MYO3B: variants seen among roughly 807,000 people sequenced by gnomAD.
MYO3B encodes myosin-IIIb.
Under a neutral mutation model 174.6 loss-of-function variants are expected in MYO3B, and 156 were observed. The ratio of observed to expected loss-of-function variants is 0.89; its 90% confidence interval spans 0.78 to 1.02. MYO3B has a LOEUF of 1.02. Ranked by LOEUF, MYO3B falls within the 50% of genes least tolerant of loss-of-function variation. The pLI, the probability that MYO3B is intolerant of heterozygous loss-of-function variation, is 0.00. For missense variants in MYO3B, 1,632 were observed against 1,639.4 expected (o/e 1.00, Z 0.08); for synonymous variants, 563 against 569.1 (o/e 0.99, Z 0.15).
At chr2:170,613,282 C>T (rs547278817) in intron 32 of MYO3B, among the ~76,000 whole-genome samples, 1 of 152,280 alleles carries the variant, frequency 6.6e-6, no homozygotes, top group Admixed American at 6.5e-5. Context: ...AGTTCCCACC[C>T]CTACCTGCAA....
At chr2:170,610,835 A>T (rs560272506) in intron 32 of MYO3B, among the ~76,000 whole-genome samples, 1 of 152,306 alleles carries the variant, frequency 6.6e-6, no homozygotes, top group African/African-American at 2.4e-5. Flanking sequence ...GTTTATTTTG[A>T]TGTGAGATGC....
At chr2:170,237,573 A>C (rs2093085487) in intron 7 of MYO3B, among the ~76,000 whole-genome samples, 1 of 151,510 alleles carries the variant, frequency 6.6e-6, no homozygotes, top group African/African-American at 2.4e-5. Flanking sequence ...AGACCCTTCC[A>C]CTCTATTGAC....
chr2:170,227,494 AGGCTGGTCTTGAACTCCTG>A (rs2092964859), intron 6 of MYO3B, among the ~76,000 whole-genome samples: 1 of 152,132 alleles, frequency 6.6e-6, no homozygotes, highest in Admixed American at 6.5e-5. Flanking sequence ...CATGTTGCCC[AGGCTGGTCTTGAACTCCTG>A]GGCTCAAGTG....
intron 7 of MYO3B, among the ~76,000 whole-genome samples, chr2:170,324,663 A>G (rs1006978438): frequency 6.6e-6 from 1 of 152,192 alleles, no homozygotes; most frequent in Non-Finnish European, 1.5e-5. Flanking sequence ...TCAGCGCTGA[A>G]TCTACCCTTT....
intron 25 of MYO3B, among the ~76,000 whole-genome samples, chr2:170,488,562 T>C (rs1386275786): frequency 6.6e-6 from 1 of 152,190 alleles, no homozygotes; most frequent in Non-Finnish European, 1.5e-5. Flanking sequence ...ATTCATACGT[T>C]ATGAGGGAAC....
chr2:170,220,272 A>T (rs2105378592), intron 6 of MYO3B, among the ~76,000 whole-genome samples: 1 of 151,014 alleles, frequency 6.6e-6, no homozygotes, highest in Middle Eastern at 3.4e-3. Flanking sequence ...ACAAAACAAA[A>T]CAAAACAAAA....
At chr2:170,499,899 T>TTCCCTCCC in intron 27 of MYO3B, 91 bp downstream of exon 27, 1 of 1,107,410 alleles carries the variant, frequency 9.0e-7, no homozygotes, top group Admixed American at 2.3e-5. Flanking sequence ...TCTAAGTGGT[T>TTCCCTCCC]TCCCTCCCTC....
chr2:170,222,204 A>C (rs1222558013), intron 6 of MYO3B, among the ~76,000 whole-genome samples: 1 of 152,192 alleles, frequency 6.6e-6, no homozygotes, highest in Non-Finnish European at 1.5e-5. Context: ...GTGCCTGTGA[A>C]TATCTGAGGG....
intron 22 of MYO3B, among the ~76,000 whole-genome samples, chr2:170,419,966 C>T (rs1048503859): frequency 4.6e-5 from 7 of 152,136 alleles, no homozygotes; most frequent in African/African-American, 7.2e-5. Context: ...AGGTGGATCA[C>T]GAGGTCAGGA....
intron 28 of MYO3B, among the ~76,000 whole-genome samples, chr2:170,503,506 G>GA (rs1185923821): frequency 3.1e-5 from 4 of 130,166 alleles, no homozygotes; most frequent in African/African-American, 1.1e-4. Flanking sequence ...CAGGACTTTA[G>GA]AAAACACATT....
rs1044993277 is a variant in MYO3B at position 170,466,436 on chromosome 2, C to T, written c.2809-70C>T. The T allele has an allele frequency of 2.7e-5, 39 of 1,430,552 alleles. No individual in the cohort carries two copies. The African/African-American group carries it at 2.9e-4, about 11-fold the overall frequency. The allele number at this position is 1,430,552 out of a possible 1,614,324, so 88.6% of individuals were successfully genotyped here. A position where few individuals can be genotyped will look rare whatever the true frequency, so the allele number is the denominator to read the frequency against. The stretch of plus-strand genomic sequence containing the variant: ...CCTCGAACTGCTCCAGAGGCTTCTG[C>T]GGGCCTGTGTTGTAACTATCCATTG... On this transcript the variant is annotated intron_variant, in intron 24 of 34. Transcript: ENST00000408978.
chr2:170,256,350 T>A (rs2093304588), intron 7 of MYO3B, among the ~76,000 whole-genome samples: 1 of 152,136 alleles, frequency 6.6e-6, no homozygotes, highest in Non-Finnish European at 1.5e-5. Flanking sequence ...CTTTTCAAGG[T>A]CAGTGTGAAA....
chr2:170,575,552 G>T (rs902465015), intron 32 of MYO3B, among the ~76,000 whole-genome samples: 1 of 152,126 alleles, frequency 6.6e-6, no homozygotes, highest in African/African-American at 2.4e-5. Flanking sequence ...AATATTATTA[G>T]TGTTTTGGGC....
intron 32 of MYO3B, among the ~76,000 whole-genome samples, chr2:170,599,157 C>G (rs1003473810): frequency 6.6e-6 from 1 of 152,192 alleles, no homozygotes; most frequent in African/African-American, 2.4e-5. Context: ...CATTCTCCCT[C>G]ACTCCTCATT....
intron 22 of MYO3B, among the ~76,000 whole-genome samples, chr2:170,414,478 C>A (rs1390297010): frequency 6.6e-6 from 1 of 152,212 alleles, no homozygotes; most frequent in African/African-American, 2.4e-5. Flanking sequence ...TGAGCCACAA[C>A]GCCTGGCTGT....
chr2:170,541,639 G>A (rs1690112333), intron 30 of MYO3B, among the ~76,000 whole-genome samples: 1 of 152,080 alleles, frequency 6.6e-6, no homozygotes, highest in Non-Finnish European at 1.5e-5. Flanking sequence ...TATTCTTACT[G>A]ATCTACATGG....
chr2:170,289,788 G>A (rs1015298458), intron 7 of MYO3B, among the ~76,000 whole-genome samples: 1 of 151,860 alleles, frequency 6.6e-6, no homozygotes, highest in African/African-American at 2.4e-5. Context: ...GTGTCATTAG[G>A]TTGTTTATTT....
At chr2:170,294,624 G>A (rs982863702) in intron 7 of MYO3B, among the ~76,000 whole-genome samples, 1 of 152,054 alleles carries the variant, frequency 6.6e-6, no homozygotes, top group African/African-American at 2.4e-5. Context: ...TTAATTGTGA[G>A]TGGCAAGGTT....
At chr2:170,506,044 C>T (rs1687601843) in intron 28 of MYO3B, among the ~76,000 whole-genome samples, 1 of 152,244 alleles carries the variant, frequency 6.6e-6, no homozygotes, top group South Asian at 2.1e-4. Flanking sequence ...CATTTCTCTT[C>T]TGATGCTCTT....
Sources: allele counts gnomAD v4.1 joint callset (sites outside exome capture counted in the v4.1 genomes callset), GRCh38; gene constraint gnomAD v4.1.1; transcripts MANE v1.5; gene names NCBI Gene and HGNC (gene_info 2026-07-23, HGNC 2026-07-21).